The following STARD9 variants were observed in gnomAD, a reference collection of about 807,000 sequenced individuals.
The protein encoded by STARD9 is stAR-related lipid transfer protein 9.
A neutral mutation model predicts 399.8 loss-of-function variants in STARD9; 346 were observed. The observed-to-expected ratio is 0.87, with a 90% CI of 0.79 to 0.95. STARD9 has a LOEUF of 0.95. Among genes scored for constraint, STARD9 ranks in the 40% least tolerant of loss-of-function variants. STARD9 has a pLI of 0.00. For missense variants in STARD9, 5,832 were observed against 5,667.5 expected, an observed-to-expected ratio of 1.03 and a Z score of -0.93; for synonymous variants, 2,203 against 2,143.5, an observed-to-expected ratio of 1.03 and a Z score of -0.77.
At chr15:42,646,516 C>T (rs1203330325) in intron 7 of STARD9, among the ~76,000 whole-genome samples, 1 of 152,212 alleles carries the variant, frequency 6.6e-6, no homozygotes, top group Admixed American at 6.5e-5. Context: ...CTGCCAGCTC[C>T]AACTTTTCTT....
chr15:42,610,818 A>G (rs2058833203), intron 3 of STARD9, among the ~76,000 whole-genome samples: 2 of 152,198 alleles, frequency 1.3e-5, no homozygotes, highest in Non-Finnish European at 2.9e-5. Context: ...AAGTGCTGGG[A>G]TTACAGGCGT....
At position 42,686,362 on chromosome 15, in the gene STARD9, A is replaced by C. The variant is rs891737460; in HGVS notation, c.4784A>C (p.Glu1595Ala). ...GACGAAACTTATTCGGCAGACTTAGAATCATTGTCTGCTTCTCGATCTACA... is the reference window on the plus strand; with the variant it reads ...GACGAAACTTATTCGGCAGACTTAGCATCATTGTCTGCTTCTCGATCTACA... The part of the protein sequence containing the change: ...SYDETYSADL[E>A]SLSASRSTNA... Residue 1595 changes from glutamate (E) to alanine (A), a missense_variant, in exon 23 of 33, where the codon GAA (glutamate) becomes GCA (alanine). Transcript: ENST00000290607. 6.5e-7 allele frequency: 1 copy of C among 1,537,356 alleles called. No homozygotes were observed. The highest frequency in any genetic ancestry group is 1.4e-5 in the African/African-American group (1 of 72,994).
At chr15:42,645,975 C>T (rs1025853932) in intron 7 of STARD9, among the ~76,000 whole-genome samples, 19 of 151,842 alleles carry the variant, frequency 1.3e-4, no homozygotes, top group Admixed American at 7.9e-4. Context: ...GCCTGGCCAA[C>T]GTGGTGAAAC....
At chr15:42,598,951 T>G (rs1378950750) in intron 3 of STARD9, among the ~76,000 whole-genome samples, 1 of 152,054 alleles carries the variant, frequency 6.6e-6, no homozygotes, top group Non-Finnish European at 1.5e-5. Flanking sequence ...GGCAACCGAG[T>G]CTCACTGTGT....
chr15:42,704,802 T>A (rs1186654337), intron 26 of STARD9, among the ~76,000 whole-genome samples: 1 of 152,218 alleles, frequency 6.6e-6, no homozygotes, highest in Non-Finnish European at 1.5e-5. Flanking sequence ...GTAGATGGTG[T>A]CTTTCTCTGT....
rs1291515362 is a variant in STARD9, at chr15:42,638,775, G to A, written c.522G>A (p.Arg174=). ...GTCAAAAAAAGTCCTATACCCTGCGGGTCAGGGAGCATCCAGAGATGGGGC... is the reference window on the plus strand; with the variant it reads ...GTCAAAAAAAGTCCTATACCCTGCGAGTCAGGGAGCATCCAGAGATGGGGC... ...QSGQKKSYTL[R]VREHPEMGPY... Residue 174 remains arginine, a synonymous_variant, in exon 7 of 33, where the codon CGG becomes CGA. Transcript: ENST00000290607. The A allele has an allele frequency of 6.5e-7, 1 of 1,536,310 alleles. No individual in the cohort carries two copies. The highest frequency in any genetic ancestry group is 1.4e-5 in the African/African-American group (1 of 73,140).
chr15:42,641,161 A>G (rs2059528527), intron 7 of STARD9, among the ~76,000 whole-genome samples: 1 of 152,188 alleles, frequency 6.6e-6, no homozygotes, highest in Non-Finnish European at 1.5e-5. Context: ...CAATGACAGG[A>G]TCAGGATTCA....
At chr15:42,684,021 G>T (rs1381392831) in intron 22 of STARD9, 95 bp from the exon 23 acceptor site, 1 of 1,348,706 alleles carries the variant, frequency 7.4e-7, no homozygotes, top group Non-Finnish European at 9.9e-7. Flanking sequence ...GAAGTCTATA[G>T]GAGACAGTGA....
chr15:42,707,990 A>G (rs1398203554), intron 26 of STARD9, among the ~76,000 whole-genome samples: 1 of 114,762 alleles, frequency 8.7e-6, no homozygotes, highest in Non-Finnish European at 1.6e-5. Flanking sequence ...ACAGGGCAAC[A>G]TAGAAAAAAA....
intron 32 of STARD9, 68 bp downstream of exon 32, chr15:42,718,978 TC>T (rs1207751420): frequency 1.4e-6 from 2 of 1,447,448 alleles, no homozygotes; most frequent in East Asian, 5.0e-5. Flanking sequence ...CTGGGATTTT[TC>T]TGTCTCGCTT....
At chr15:42,695,688 C>T in intron 25 of STARD9, 55 bp from the exon 26 acceptor site, 1 of 1,510,710 alleles carries the variant, frequency 6.6e-7, no homozygotes, top group Non-Finnish European at 8.8e-7. Context: ...AAGGCGTGGC[C>T]TGGGGAAAGT....
In STARD9 at chr15:42,694,206, G is replaced by C. The variant is rs527587932; in HGVS notation, c.12628G>C (p.Val4210Leu). 6.5e-7 allele frequency: 1 copy of C among 1,535,836 alleles called. No homozygotes were observed. The highest frequency in any genetic ancestry group is 2.0e-5 in the Admixed American group (1 of 50,806). ...QVGAQNLSLS[V>L]ELTEAKLHHG... is the part of the protein sequence containing the mutation. ...TGGGGCCCAGAACCTCTCACTCAGC[G>C]TGGAACTCACAGAAGCGAAACTGCA... The change falls in exon 23 of 33, where the codon GTG (valine) becomes CTG (leucine). Residue 4210 changes from valine to leucine, a missense_variant. Val to Leu is a conservative substitution (Grantham distance 32). This residue lies in a region of STARD9 where 5,828 missense variants were observed against 5,651.1 expected (regional missense o/e 1.03). Coordinates refer to ENST00000290607, the MANE Select transcript of STARD9 (RefSeq NM_020759.3).
At position 42,665,287 on chromosome 15, in the gene STARD9, A is replaced by T; in HGVS notation, c.1211A>T (p.Glu404Val). ...TTAAAACTGATTAGAGAACTCAGAG[A>T]AGAGATTGAAAGACTGAAAGCCCTG... is the stretch of plus-strand genomic sequence containing the variant. ...ANLKLIRELR[E>V]EIERLKALLL... Residue 404 changes from glutamate to valine, a missense_variant, in exon 14 of 33, where the codon GAA (glutamate) becomes GTA (valine). Physicochemically the swap from Glu to Val is moderately radical, Grantham distance 121. Coordinates refer to ENST00000290607, the MANE Select transcript of STARD9 (RefSeq NM_020759.3). The T allele has an allele frequency of 6.5e-7, 1 of 1,537,108 alleles. No individual in the cohort carries two copies. Among genetic ancestry groups the T allele is most frequent in the Non-Finnish European group, 8.7e-7 (1 of 1,146,792 alleles).
rs187890018 is a variant in STARD9 at position 42,681,273 on chromosome 15, G to A, written c.1875-149G>A. The A allele has an allele frequency of 2.2e-5, 15 of 686,604 alleles. No individual in the cohort carries two copies. The African/African-American group carries it at 2.7e-4, about 12-fold the overall frequency. The allele number at this position is 686,604 out of a possible 1,614,324, so 42.5% of individuals were successfully genotyped here. ...ACATCGTAAGCTGCCTGTGACACCA[G>A]GCCTGTTTGTCCAAGGTTGCCAGAA... is the stretch of plus-strand genomic sequence containing the variant. On this transcript the variant is annotated intron_variant, in intron 20 of 32. Coordinates refer to ENST00000290607, the MANE Select transcript of STARD9 (RefSeq NM_020759.3).
At chr15:42,650,212 C>T (rs1005614259) in intron 7 of STARD9, among the ~76,000 whole-genome samples, 6 of 152,102 alleles carry the variant, frequency 3.9e-5, no homozygotes, top group African/African-American at 1.4e-4. Flanking sequence ...CTGGGTCTTT[C>T]TTGGATTGCT....
chr15:42,683,366 C>A (rs957393090), intron 22 of STARD9, among the ~76,000 whole-genome samples: 1 of 152,222 alleles, frequency 6.6e-6, no homozygotes, highest in African/African-American at 2.4e-5. Context: ...TTAGGTTTTA[C>A]ACACTTGCCT....
At position 42,688,587 on chromosome 15, in the gene STARD9, T is replaced by G; in HGVS notation, c.7009T>G (p.Leu2337Val). Residue 2337 changes from leucine (L) to valine (V), a missense_variant, in exon 23 of 33, where the codon TTG becomes GTG. Physicochemically the swap from Leu to Val is conservative, Grantham distance 32. Transcript: ENST00000290607. ...CCAAGACCTGAGTAATACCTTGCCC[T>G]TGAATTCTCCAAGGTGGCCAAGAAG... The part of the protein sequence containing the change: ...LHQDLSNTLP[L>V]NSPRWPRRCL... 1 of 1,537,652 alleles carries G rather than the reference T, an allele frequency of 6.5e-7. No individual in the cohort carries two copies.
intron 3 of STARD9, among the ~76,000 whole-genome samples, chr15:42,619,406 TA>T (rs542069154): frequency 3.3e-5 from 5 of 151,022 alleles, no homozygotes; most frequent in African/African-American, 7.3e-5. Flanking sequence ...TACAAAAAAT[TA>T]AAAAAAAATT....
At chr15:42,592,187 G>T (rs976275203) in intron 3 of STARD9, among the ~76,000 whole-genome samples, 2 of 152,172 alleles carry the variant, frequency 1.3e-5, no homozygotes, top group Non-Finnish European at 2.9e-5. Flanking sequence ...GAAGTTATAT[G>T]ATCTGCCAAA....
Sources: allele counts gnomAD v4.1 joint callset (sites outside exome capture counted in the v4.1 genomes callset), GRCh38; gene constraint gnomAD v4.1.1; regional missense constraint gnomAD v4.1.1; transcripts MANE v1.5; gene names NCBI Gene and HGNC (gene_info 2026-07-23, HGNC 2026-07-21).